TMEM117: variants seen among roughly 807,000 people sequenced by gnomAD.
The protein encoded by TMEM117 is transmembrane protein 117.
Under a neutral mutation model 52.4 loss-of-function variants are expected in TMEM117, and 27 were observed. The ratio of observed to expected loss-of-function variants is 0.51; its 90% confidence interval spans 0.38 to 0.71. The LOEUF is 0.71. TMEM117 is among the 30% of genes least tolerant of loss of function. The pLI is 0.00. For synonymous variants in TMEM117, 215 were observed against 206.3 expected, an observed-to-expected ratio of 1.04 and a Z score of -0.36; for missense variants, 556 against 630.5, an observed-to-expected ratio of 0.88 and a Z score of 1.26.
chr12:43,863,278 AC>A (rs1418832317), intron 2 of TMEM117, among the ~76,000 whole-genome samples: 14 of 128,854 alleles, frequency 1.1e-4, no homozygotes, highest in Middle Eastern at 3.9e-3. Flanking sequence ...AAACAAACAA[AC>A]AAACAAAACT....
intron 3 of TMEM117, among the ~76,000 whole-genome samples, chr12:44,088,369 G>A (rs1456372889): frequency 1.3e-5 from 2 of 152,106 alleles, no homozygotes; most frequent in Non-Finnish European, 2.9e-5. Context: ...AAGTTTACAG[G>A]TAAGAAAAAA....
chr12:44,238,341 A>G (rs967344054), intron 5 of TMEM117, among the ~76,000 whole-genome samples: 9 of 152,172 alleles, frequency 5.9e-5, no homozygotes, highest in African/African-American at 1.9e-4. Context: ...TTAGTTGTAC[A>G]TAATAGTAAA....
At chr12:44,326,332 T>C (rs1170066593) in intron 6 of TMEM117, among the ~76,000 whole-genome samples, 1 of 152,228 alleles carries the variant, frequency 6.6e-6, no homozygotes, top group East Asian at 1.9e-4. Context: ...TGTATCAATC[T>C]TTTTCTTTGT....
In TMEM117 at chr12:44,276,908, A is replaced by ATG. The variant is rs754059220; in HGVS notation, c.609-22648_609-22647dup. 9.3e-3 allele frequency among the ~76,000 whole-genome samples: 1,330 copies of ATG among 143,700 alleles called. 11 individuals are homozygous for ATG. The highest frequency in any genetic ancestry group is 0.023 in the African/African-American group (899 of 39,814). The allele number at this position is 143,700 out of a possible 152,430, so 94.3% of individuals were successfully genotyped here. A position where few individuals can be genotyped will look rare whatever the true frequency, so the allele number is the denominator to read the frequency against. On this transcript the variant is annotated intron_variant, in intron 5 of 7. Transcript: ENST00000266534. ...GAAAAGTTTGTGTGTGTGTGTGTGT[A>ATG]TGTGTGTGTGTGTGTGTGTGTGTGT...
At position 43,976,437 on chromosome 12, in the gene TMEM117, C is replaced by T. The variant is rs188788373; in HGVS notation, c.410+32095C>T. 3.7e-3 allele frequency among the ~76,000 whole-genome samples: 570 copies of T among 152,212 alleles called. 2 individuals carry two copies. Among genetic ancestry groups the T allele is most frequent in the African/African-American group, 0.013 (542 of 41,510 alleles). ...TGGCAACGCTCACATTTATTTAGTA[C>T]AGATTTAATGACAAAGGCTTGGAGC... On this transcript the variant is annotated intron_variant, in intron 3 of 7. Transcript: ENST00000266534.
chr12:44,282,538 C>A (rs992225523), intron 5 of TMEM117, among the ~76,000 whole-genome samples: 1 of 152,096 alleles, frequency 6.6e-6, no homozygotes, highest in African/African-American at 2.4e-5. Flanking sequence ...TCATTTTGCC[C>A]CTGCCCTAGA....
At chr12:44,204,004 C>T (rs762777238) in intron 4 of TMEM117, among the ~76,000 whole-genome samples, 33 of 151,960 alleles carry the variant, frequency 2.2e-4, no homozygotes, top group Non-Finnish European at 3.8e-4. Context: ...CCCTGAGAAC[C>T]GGAACAAGAC....
At chr12:44,395,923 G>C in the TMEM117 span, among the ~76,000 whole-genome samples, 2 of 152,190 alleles carry the variant, frequency 1.3e-5, no homozygotes, top group Non-Finnish European at 2.9e-5. Context: ...AGTTTCAGGA[G>C]TTTCTGGTCA....
At chr12:44,019,980 G>A (rs183173434) in intron 3 of TMEM117, among the ~76,000 whole-genome samples, 1 of 152,254 alleles carries the variant, frequency 6.6e-6, no homozygotes, top group East Asian at 1.9e-4. Flanking sequence ...AAAACACTCA[G>A]CAAATAGACA....
At chr12:44,045,482 C>T (rs533409936) in intron 3 of TMEM117, among the ~76,000 whole-genome samples, 2 of 152,316 alleles carry the variant, frequency 1.3e-5, no homozygotes, top group African/African-American at 4.8e-5. Flanking sequence ...TCACGGAATG[C>T]CTTATCCACC....
chr12:44,388,543 CTT>C lies in TMEM117; in HGVS notation c.1417_1418del (p.Phe473GlnfsTer2), dbSNP rs1372722999. On this transcript the variant is annotated frameshift_variant, in exon 8 of 8. Coordinates refer to ENST00000266534, the MANE Select transcript of TMEM117 (RefSeq NM_032256.3). LOFTEE classifies it high-confidence loss of function. ...DPSLVCIRSD[F>X]NEIVYKSSHL... ...CTTCTTTGGTTTGCATCAGGTCTGACTTCAATGAGATCGTCTACAAGTCTTCC... is the reference window on the plus strand; with the variant it reads ...CTTCTTTGGTTTGCATCAGGTCTGACCAATGAGATCGTCTACAAGTCTTCC... 2 of 1,613,564 alleles carry C rather than the reference CTT, an allele frequency of 1.2e-6. No individual in the cohort carries two copies.
In TMEM117 at chr12:44,355,387, T is replaced by A. The variant is rs17094516; in HGVS notation, c.769-21208T>A. On this transcript the variant is annotated intron_variant, in intron 6 of 7. Transcript: ENST00000266534. ...TTTGGAGGTTACATAGTCTTTATCCTGGTTATTCTACTTGAGATACACAGC... is the reference window on the plus strand; with the variant it reads ...TTTGGAGGTTACATAGTCTTTATCCAGGTTATTCTACTTGAGATACACAGC... Among the ~76,000 whole-genome samples, 763 of 152,166 alleles carry A rather than the reference T, an allele frequency of 5.0e-3. 19 individuals are homozygous for A. In the East Asian group the frequency reaches 0.07, roughly 14 times the overall value.
chr12:43,806,419 C>G, the TMEM117 span: 6 of 1,143,666 alleles, frequency 5.2e-6, no homozygotes, highest in African/African-American at 6.5e-5. Context: ...CGCCCCGCCG[C>G]CCTTCCTGGC....
chr12:44,099,851 T>C (rs1227456907), intron 3 of TMEM117, among the ~76,000 whole-genome samples: 3 of 151,944 alleles, frequency 2.0e-5, no homozygotes. Context: ...GTAAAAAGGC[T>C]AAAATGAGCC....
In TMEM117 at chr12:43,927,422, A is replaced by G. The variant is rs186936995; in HGVS notation, c.278-16788A>G. On this transcript the variant is annotated intron_variant, in intron 2 of 7. Coordinates refer to ENST00000266534, the MANE Select transcript of TMEM117 (RefSeq NM_032256.3). ...TTTAATTGTAGTATTTAAATATACT[A>G]TATCTTTGTTAATTTTTTTTGTTTT... Among the ~76,000 whole-genome samples, 27 of 151,236 alleles carry G rather than the reference A, an allele frequency of 1.8e-4. No homozygotes were observed. The East Asian group carries it at 4.8e-3, about 27-fold the overall frequency.
chr12:43,851,474 T>TA (rs1943307073), intron 2 of TMEM117, among the ~76,000 whole-genome samples: 1 of 152,078 alleles, frequency 6.6e-6, no homozygotes, highest in Non-Finnish European at 1.5e-5. Context: ...AGTTTTTTTT[T>TA]AAAATGTGTT....
rs114535825 is a variant in TMEM117, at chr12:43,916,025, G to A, written c.278-28185G>A. Among the ~76,000 whole-genome samples the A allele has an allele frequency of 3.0e-3, 443 of 150,028 alleles. 5 individuals carry two copies. The highest frequency in any genetic ancestry group is 0.01 in the African/African-American group (415 of 40,432). On this transcript the variant is annotated intron_variant, in intron 2 of 7. Transcript: ENST00000266534. ...AAATAGTGGCAGGGAGAGGGTGATG[G>A]TTGGGCAAGAAAAAAGTGGGGGATA...
intron 4 of TMEM117, among the ~76,000 whole-genome samples, chr12:44,152,213 AT>A (rs1444769188): frequency 1.0e-3 from 111 of 107,424 alleles, no homozygotes; most frequent in Middle Eastern, 0.013. Context: ...TTATATTTAT[AT>A]TATATATTAT....
chr12:44,363,790 G>A (rs1375156424), intron 6 of TMEM117, among the ~76,000 whole-genome samples: 1 of 152,130 alleles, frequency 6.6e-6, no homozygotes. Context: ...GATTAGTTGA[G>A]GTATTTGTTT....
Sources: gnomAD v4.1 joint callset for allele counts (sites outside exome capture counted in the v4.1 genomes callset) on GRCh38, gnomAD v4.1.1 for gene constraint, MANE v1.5 for transcripts, NCBI Gene and HGNC (gene_info 2026-07-23, HGNC 2026-07-21) for gene names.